USO1: variants seen among roughly 807,000 people sequenced by gnomAD.
The protein encoded by USO1 is USO1 vesicle transport factor, also known as general vesicular transport factor p115.
In USO1, 57 loss-of-function variants were observed where a neutral mutation model predicts 124.5. That is an observed-to-expected ratio of 0.46 (90% CI 0.37 to 0.57). The LOEUF (loss-of-function observed/expected upper bound fraction) is 0.57. Ranked by LOEUF, USO1 falls within the 20% of genes least tolerant of loss-of-function variation. USO1 has a pLI of 0.00. For synonymous variants in USO1, 369 were observed against 362.8 expected (o/e 1.02, Z -0.19); for missense variants, 900 against 1,040.6 (o/e 0.86, Z 1.86).
chr4:75,811,403 G>A (rs928011316), intron 22 of USO1, among the ~76,000 whole-genome samples: 3 of 151,968 alleles, frequency 2.0e-5, no homozygotes, highest in East Asian at 3.9e-4. Context: ...TGATCTGCCC[G>A]CATTGGCCCC....
chr4:75,782,866 A>G lies in USO1; in HGVS notation c.855+8A>G, dbSNP rs1159564643. On this transcript the variant is annotated splice_region_variant and intron_variant, in intron 9 of 23. Coordinates refer to ENST00000514213, the MANE Select transcript of USO1 (RefSeq NM_003715.4). Reference sequence around the variant, plus strand: ...CTACATCTAATGCTACAGGTATACTATCCTTAGACATAAATGTGGTAAGAA... The same window carrying G: ...CTACATCTAATGCTACAGGTATACTGTCCTTAGACATAAATGTGGTAAGAA... 9.6e-5 allele frequency: 149 copies of G among 1,556,754 alleles called. No homozygotes were observed. The highest frequency in any genetic ancestry group is 1.3e-4 in the Non-Finnish European group (148 of 1,162,394).
At chr4:75,794,749 T>G (rs2149184618) in intron 13 of USO1, among the ~76,000 whole-genome samples, 1 of 152,340 alleles carries the variant, frequency 6.6e-6, no homozygotes, top group South Asian at 2.1e-4. Context: ...CGTTGAATTT[T>G]TCCTTATTTT....
intron 12 of USO1, 65 bp from the exon 13 acceptor site, chr4:75,793,623 ATT>A (rs1722593965): frequency 4.6e-6 from 7 of 1,537,946 alleles, no homozygotes; most frequent in African/African-American, 2.8e-5. Flanking sequence ...ACAGAAAACA[ATT>A]TATTTAAAAT....
In USO1 at chr4:75,812,140, T is replaced by C; in HGVS notation, c.2584-20T>C. ...TGAGTGCTAATTTTAGATTCCTGCC[T>C]TTCACCTTTCTTTTCCTAGAATGAA... is the stretch of plus-strand genomic sequence containing the variant. On this transcript the variant is annotated intron_variant, in intron 22 of 23. Coordinates refer to ENST00000514213, the MANE Select transcript of USO1 (RefSeq NM_003715.4). The C allele has an allele frequency of 6.3e-7, 1 of 1,579,242 alleles. No homozygotes were observed.
At chr4:75,784,773 AGTG>A (rs1178825747) in intron 9 of USO1, among the ~76,000 whole-genome samples, 2 of 151,892 alleles carry the variant, frequency 1.3e-5, no homozygotes, top group East Asian at 3.9e-4. Flanking sequence ...CTGGGAACAG[AGTG>A]AGACTCTATC....
At chr4:75,777,827 C>T (rs1433627957) in intron 8 of USO1, among the ~76,000 whole-genome samples, 1 of 152,186 alleles carries the variant, frequency 6.6e-6, no homozygotes. Context: ...AACAATCACG[C>T]TCTTTGGTAT....
intron 4 of USO1, among the ~76,000 whole-genome samples, chr4:75,765,443 A>G (rs1721743851): frequency 6.6e-6 from 1 of 152,164 alleles, no homozygotes; most frequent in African/African-American, 2.4e-5. Flanking sequence ...GGTATGTAAC[A>G]TTTACCATAC....
At chr4:75,786,924 C>T (rs71607334) in intron 9 of USO1, 138 bp from the exon 10 acceptor site, 50,819 of 1,080,086 alleles carry the variant, frequency 0.047, 1,485 homozygotes, top group Non-Finnish European at 0.052. Context: ...CATGGGAGCA[C>T]GAAAGAAAGA....
intron 1 of USO1, among the ~76,000 whole-genome samples, chr4:75,735,806 C>G (rs147344552): frequency 1.8e-4 from 27 of 152,216 alleles, no homozygotes; most frequent in African/African-American, 6.0e-4. Flanking sequence ...CTGCACCCAG[C>G]CAGTAGTTTT....
intron 3 of USO1, among the ~76,000 whole-genome samples, chr4:75,753,475 C>G (rs1450082392): frequency 2.0e-5 from 3 of 152,024 alleles, no homozygotes; most frequent in African/African-American, 7.3e-5. Context: ...ATGGAGATTA[C>G]AGTTAACCAA....
chr4:75,792,779 T>C (rs1442934806), intron 12 of USO1, among the ~76,000 whole-genome samples: 1 of 152,174 alleles, frequency 6.6e-6, no homozygotes, highest in Non-Finnish European at 1.5e-5. Flanking sequence ...TCTTATTCAT[T>C]CTTTCTAACA....
intron 17 of USO1, 127 bp from the exon 18 acceptor site, chr4:75,804,007 C>T (rs1023417714): frequency 1.2e-4 from 147 of 1,223,548 alleles, no homozygotes; most frequent in Admixed American, 6.9e-5. Flanking sequence ...AATTACTGAA[C>T]GATTTTGGAA....
chr4:75,754,698 A>T (rs910959309), intron 3 of USO1, among the ~76,000 whole-genome samples: 2 of 152,134 alleles, frequency 1.3e-5, no homozygotes. Context: ...TCCTCTCCTG[A>T]ACCCATCATG....
chr4:75,757,534 C>G lies in USO1; in HGVS notation c.256C>G (p.Leu86Val). ...AATAATAGGTTATGCTTTGGACACA[C>G]TATATAATATAATATCTAATGAAGA... Reference protein sequence around the residue: ...SEIIGYALDTLYNIISNEEEE... With the variant: ...SEIIGYALDTVYNIISNEEEE... The change falls in exon 4 of 24, where the codon CTA becomes GTA. Residue 86 changes from leucine to valine, a missense_variant. Around this residue, in one of 2 missense-constraint regions of USO1, gnomAD observed 538 missense variants for 681.6 expected, o/e 0.79. Coordinates refer to ENST00000514213, the MANE Select transcript of USO1 (RefSeq NM_003715.4). 1 of 1,508,106 alleles carries G rather than the reference C, an allele frequency of 6.6e-7. No homozygotes were observed. The highest frequency in any genetic ancestry group is 8.9e-7 in the Non-Finnish European group (1 of 1,127,544). 93.4% of individuals were successfully genotyped at this position (1,508,106 alleles called of 1,614,324 possible). A position where few individuals can be genotyped will look rare whatever the true frequency, so the allele number is the denominator to read the frequency against.
At chr4:75,806,396 T>C (rs571373035) in intron 19 of USO1, 90 bp from the exon 20 acceptor site, 1 of 1,471,772 alleles carries the variant, frequency 6.8e-7, no homozygotes, top group Non-Finnish European at 9.1e-7. Flanking sequence ...TAAGCACATA[T>C]GATATAGTTT....
At chr4:75,776,904 TA>T (rs1414275640) in intron 8 of USO1, among the ~76,000 whole-genome samples, 4 of 152,078 alleles carry the variant, frequency 2.6e-5, no homozygotes, top group Non-Finnish European at 5.9e-5. Flanking sequence ...TTAAATGTAA[TA>T]AAATAAAGGT....
At chr4:75,800,021 G>T (rs1373488592) in intron 14 of USO1, among the ~76,000 whole-genome samples, 1 of 150,930 alleles carries the variant, frequency 6.6e-6, no homozygotes, top group Non-Finnish European at 1.5e-5. Context: ...TCGGCTCACT[G>T]CAACTTCCGC....
intron 4 of USO1, among the ~76,000 whole-genome samples, chr4:75,758,006 T>G (rs563263187): frequency 6.7e-4 from 102 of 152,264 alleles, no homozygotes; most frequent in Non-Finnish European, 1.2e-3. Flanking sequence ...GTGCAACAAT[T>G]TTTTAAATTT....
Position 75,813,274 on chromosome 4 carries a change from C to T in USO1, c.2868C>T (p.Gly956=), listed in dbSNP as rs1723202311. ...EDEDDESEDP[G]KDLDHI is the part of the protein sequence containing the mutation. ...AGGATGATGAAAGTGAAGATCCTGG[C>T]AAGGATCTAGATCATATCTAGTTTT... is the stretch of plus-strand genomic sequence containing the variant. Residue 956 remains glycine (G), a synonymous_variant, in exon 24 of 24, where the codon GGC becomes GGT. Transcript: ENST00000514213. The T allele has an allele frequency of 6.2e-7, 1 of 1,610,566 alleles. No homozygotes were observed. The highest frequency in any genetic ancestry group is 8.5e-7 in the Non-Finnish European group (1 of 1,178,790).
Sources: allele counts gnomAD v4.1 joint callset (sites outside exome capture counted in the v4.1 genomes callset), GRCh38; gene constraint gnomAD v4.1.1; regional missense constraint gnomAD v4.1.1; transcripts MANE v1.5; gene names NCBI Gene and HGNC (gene_info 2026-07-23, HGNC 2026-07-21).